NFIB: variants seen among roughly 807,000 people sequenced by gnomAD.
The protein encoded by NFIB is nuclear factor 1 B-type.
In NFIB, 11 loss-of-function variants were observed where a neutral mutation model predicts 61.5. That is an observed-to-expected ratio of 0.18 (90% CI 0.11 to 0.30). NFIB has a LOEUF of 0.30. NFIB is among the 10% of genes least tolerant of loss of function. The probability of loss-of-function intolerance (pLI) is 1.00; values close to 1 mark genes in which losing one functional copy is unlikely to be tolerated. For missense variants in NFIB, 471 were observed against 608.9 expected, an observed-to-expected ratio of 0.77 and a Z score of 2.38; for synonymous variants, 260 against 216.5, an observed-to-expected ratio of 1.20 and a Z score of -1.76.
the NFIB span, among the ~76,000 whole-genome samples, chr9:14,478,804 G>A: frequency 1.3e-5 from 2 of 152,050 alleles, no homozygotes; most frequent in East Asian, 3.9e-4. Context: ...TTTTCACATT[G>A]CTATGAGTGA....
chr9:14,430,567 T>C, the NFIB span, among the ~76,000 whole-genome samples: 3 of 139,604 alleles, frequency 2.1e-5, no homozygotes, highest in South Asian at 7.6e-4. Flanking sequence ...GCCTTTTCCC[T>C]GAAATGCTAT....
At chr9:14,463,793 T>A in the NFIB span, among the ~76,000 whole-genome samples, 1 of 151,430 alleles carries the variant, frequency 6.6e-6, no homozygotes, top group Non-Finnish European at 1.5e-5. Context: ...CCCGAGTAGC[T>A]GGGACTACAG....
the NFIB span, among the ~76,000 whole-genome samples, chr9:14,446,872 C>T: frequency 6.6e-6 from 1 of 152,156 alleles, no homozygotes; most frequent in Non-Finnish European, 1.5e-5. Context: ...TACCTACACA[C>T]TTGGTAAACA....
At chr9:14,450,623 C>T in the NFIB span, among the ~76,000 whole-genome samples, 2 of 152,112 alleles carry the variant, frequency 1.3e-5, no homozygotes, top group African/African-American at 4.8e-5. Context: ...GAGAGACTCC[C>T]TTTAAATCAG....
chr9:14,387,800 G>A (rs2061566113), intron 1 of NFIB, among the ~76,000 whole-genome samples: 1 of 152,166 alleles, frequency 6.6e-6, no homozygotes, highest in Non-Finnish European at 1.5e-5. Flanking sequence ...CCACTTCTAG[G>A]TTATTTCTTG....
chr9:14,392,845 T>A (rs1038991187), intron 1 of NFIB, among the ~76,000 whole-genome samples: 11 of 152,350 alleles, frequency 7.2e-5, no homozygotes, highest in African/African-American at 2.6e-4. Context: ...ACCTGGCAAC[T>A]ATTATTGGTT....
At chr9:14,388,743 G>T (rs1029256325) in intron 1 of NFIB, among the ~76,000 whole-genome samples, 5 of 152,140 alleles carry the variant, frequency 3.3e-5, no homozygotes, top group African/African-American at 1.2e-4. Flanking sequence ...GGATATCTGT[G>T]ACATTGTATT....
At chr9:14,524,375 G>A in the NFIB span, among the ~76,000 whole-genome samples, 1 of 151,886 alleles carries the variant, frequency 6.6e-6, no homozygotes, top group Non-Finnish European at 1.5e-5. Flanking sequence ...TCACAACCTT[G>A]AAAATAACAG....
chr9:14,390,508 C>T (rs1265463107), intron 1 of NFIB, among the ~76,000 whole-genome samples: 1 of 146,764 alleles, frequency 6.8e-6, no homozygotes, highest in African/African-American at 2.8e-5. Context: ...GAGCTCTCAA[C>T]AGACAAAGTT....
intron 1 of NFIB, chr9:14,398,514 T>A: frequency 6.5e-7 from 1 of 1,528,916 alleles, no homozygotes; most frequent in Non-Finnish European, 8.8e-7. Context: ...TTTGTGAAAT[T>A]TAGACTCACA....
chr9:14,228,197 C>CTT (rs199731438), intron 2 of NFIB, among the ~76,000 whole-genome samples: 227 of 132,564 alleles, frequency 1.7e-3, no homozygotes, highest in Middle Eastern at 4.0e-3. Context: ...CTTTATGATT[C>CTT]TTTTTTTTTT....
At chr9:14,222,696 G>A (rs959699298) in intron 2 of NFIB, among the ~76,000 whole-genome samples, 12 of 149,050 alleles carry the variant, frequency 8.1e-5, no homozygotes, top group African/African-American at 3.0e-4. Flanking sequence ...TTGGGAGGCT[G>A]AGCTGGGAGG....
the NFIB span, among the ~76,000 whole-genome samples, chr9:14,499,724 G>A: frequency 5.3e-5 from 8 of 152,150 alleles, no homozygotes. Context: ...TCTTTTGAGT[G>A]CAAATCTCAT....
chr9:14,295,278 T>C (rs2059356936), intron 2 of NFIB, among the ~76,000 whole-genome samples: 1 of 152,222 alleles, frequency 6.6e-6, no homozygotes, highest in South Asian at 2.1e-4. Flanking sequence ...TTTTTAAATA[T>C]GATACTTTCG....
At chr9:14,503,106 ATG>A in the NFIB span, among the ~76,000 whole-genome samples, 6 of 149,268 alleles carry the variant, frequency 4.0e-5, no homozygotes, top group Admixed American at 2.0e-4. Flanking sequence ...ATATATATAT[ATG>A]TGTGTATGTG....
intron 4 of NFIB, 44 bp downstream of exon 4, chr9:14,155,781 A>G: frequency 1.6e-6 from 2 of 1,216,414 alleles, no homozygotes; most frequent in Non-Finnish European, 2.3e-6. Context: ...AAAGTATTTT[A>G]AATCATACTG....
the NFIB span, among the ~76,000 whole-genome samples, chr9:14,470,686 G>A: frequency 2.6e-5 from 4 of 152,074 alleles, no homozygotes; most frequent in African/African-American, 7.2e-5. Context: ...GTATAAATTC[G>A]AGACCACATG....
chr9:14,121,212 C>T (rs1026999504), intron 7 of NFIB, among the ~76,000 whole-genome samples: 8 of 152,148 alleles, frequency 5.3e-5, no homozygotes, highest in African/African-American at 1.9e-4. Context: ...TGCAGTGAGC[C>T]GAGATGGCGC....
intron 3 of NFIB, among the ~76,000 whole-genome samples, chr9:14,174,080 T>C (rs1434112483): frequency 6.6e-6 from 1 of 152,210 alleles, no homozygotes; most frequent in Non-Finnish European, 1.5e-5. Context: ...CTCTGAATCC[T>C]ATTCTAAATT....
Sources: allele counts gnomAD v4.1 joint callset (sites outside exome capture counted in the v4.1 genomes callset), GRCh38; gene constraint gnomAD v4.1.1; transcripts MANE v1.5; gene names NCBI Gene and HGNC (gene_info 2026-07-23, HGNC 2026-07-21).